ABCA8: variants seen among roughly 807,000 people sequenced by gnomAD.
ABCA8 encodes the protein ATP binding cassette subfamily A member 8, also known as ABC-type organic anion transporter ABCA8.
In ABCA8, 177 loss-of-function variants were observed where a neutral mutation model predicts 192.3. The observed-to-expected ratio is 0.92, with a 90% CI of 0.81 to 1.04. The LOEUF is 1.04. Among genes scored for constraint, ABCA8 ranks in the 50% least tolerant of loss-of-function variants. The pLI is 0.00. For synonymous variants in ABCA8, 642 were observed against 690.2 expected (o/e 0.93, Z 1.09); for missense variants, 1,915 against 1,904.8 (o/e 1.01, Z -0.10).
chr17:68,898,413 C>A (rs889647339), intron 21 of ABCA8, among the ~76,000 whole-genome samples: 1 of 151,624 alleles, frequency 6.6e-6, no homozygotes, highest in South Asian at 2.1e-4. Context: ...AACTTTTTTC[C>A]AAGATAAACA....
chr17:68,876,641 C>T lies in ABCA8; in HGVS notation c.4262G>A (p.Gly1421Glu). ...LKSPVKTLSE[G>E]IKRKLCFVLS... ...CCCTGCCCGTACCTTTCTCTTTATT[C>T]CCTCTGACAAGGTCTTCACGGGAGA... Residue 1421 changes from glycine (G) to glutamate (E), a missense_variant, in exon 34 of 40, where the codon GGA (glycine) becomes GAA (glutamate). Physicochemically the swap from Gly to Glu is moderately conservative, Grantham distance 98 (BLOSUM62 -2). Coordinates refer to ENST00000586539, the MANE Select transcript of ABCA8 (RefSeq NM_001288985.2). The T allele has an allele frequency of 6.2e-7, 1 of 1,614,144 alleles. No homozygotes were observed. The highest frequency in any genetic ancestry group is 8.5e-7 in the Non-Finnish European group (1 of 1,180,020).
At chr17:68,899,257 T>G (rs1386220255) in intron 21 of ABCA8, among the ~76,000 whole-genome samples, 1 of 151,978 alleles carries the variant, frequency 6.6e-6, no homozygotes. Flanking sequence ...ATATGATTTG[T>G]GAATAAAATA....
chr17:68,881,214 GA>G lies in ABCA8; in HGVS notation c.3947-4del, dbSNP rs765427201. 12 of 1,594,242 alleles carry G rather than the reference GA, an allele frequency of 7.5e-6. No individual in the cohort carries two copies. The highest frequency in any genetic ancestry group is 3.4e-5 in the Admixed American group (2 of 58,724). On this transcript the variant is annotated splice_polypyrimidine_tract_variant and splice_region_variant and intron_variant, in intron 31 of 39. Transcript: ENST00000586539. ...TCCTAATAATCCTAAAACTTCACCT[GA>G]AAAAAAGGTTACACTTAATATTAAT...
Position 68,868,054 on chromosome 17 carries a change from G to T in ABCA8, c.*31C>A. ...AATAAATGTATTTAAAAAAAACCAC[G>T]GGTTTAAACAGGAACACAGAATTTG... is the stretch of plus-strand genomic sequence containing the variant. On this transcript the variant is annotated 3_prime_UTR_variant, in exon 40 of 40. Transcript: ENST00000586539. 6.7e-7 allele frequency: 1 copy of T among 1,485,662 alleles called. No homozygotes were observed. The allele number at this position is 1,485,662 out of a possible 1,614,324, so 92.0% of individuals were successfully genotyped here.
intron 30 of ABCA8, 109 bp downstream of exon 30, chr17:68,882,490 T>C (rs2066359881): frequency 3.1e-6 from 3 of 966,634 alleles, no homozygotes; most frequent in African/African-American, 1.6e-5. Context: ...AAATGGCAAT[T>C]ACCTACTAAA....
chr17:68,887,578 A>G (rs6501839), intron 24 of ABCA8, 72 bp from the exon 25 acceptor site: 992,136 of 1,278,858 alleles, frequency 0.78, 388,117 homozygotes, highest in East Asian at 1. Flanking sequence ...AACTATTCAA[A>G]CAAAACCTTT....
At chr17:68,900,270 A>G (rs1567842150) in intron 21 of ABCA8, among the ~76,000 whole-genome samples, 1 of 152,226 alleles carries the variant, frequency 6.6e-6, no homozygotes, top group Non-Finnish European at 1.5e-5. Flanking sequence ...AGAGGGCATG[A>G]ATACCAGTCT....
At chr17:68,951,297 T>G (rs1308118949) in intron 1 of ABCA8, among the ~76,000 whole-genome samples, 2 of 152,230 alleles carry the variant, frequency 1.3e-5, no homozygotes. Flanking sequence ...GACTTTTTAT[T>G]TTTGATTTCT....
chr17:68,931,305 A>ACCAAT (rs1285568589), intron 7 of ABCA8, among the ~76,000 whole-genome samples: 2 of 152,232 alleles, frequency 1.3e-5, no homozygotes, highest in Non-Finnish European at 2.9e-5. Flanking sequence ...CAAACATTAC[A>ACCAAT]CCAATGACAG....
intron 16 of ABCA8, 133 bp from the exon 17 acceptor site, chr17:68,917,584 T>A (rs1289163876): frequency 3.4e-6 from 2 of 595,376 alleles, no homozygotes; most frequent in Non-Finnish European, 5.8e-6. Flanking sequence ...CAGGACTCGA[T>A]AAGGACTCAA....
In ABCA8 at chr17:68,918,107, T is replaced by A. The variant is rs1362662882; in HGVS notation, c.1987A>T (p.Lys663Ter). Residue 663 changes from lysine (K) to a stop codon, truncating the protein, a stop_gained, in exon 16 of 40, where the codon AAA becomes TAA. Coordinates refer to ENST00000586539, the MANE Select transcript of ABCA8 (RefSeq NM_001288985.2). LOFTEE classifies it high-confidence loss of function. ...HQVWNLLKER[K>*]TDRVILFSTQ... ...CTGAAGAGGATCACGCGGTCTGTTT[T>A]GCGTTCTTTCAGAAGGTTCCATACT... The A allele has an allele frequency of 1.2e-6, 2 of 1,614,078 alleles. No individual in the cohort carries two copies. The highest frequency in any genetic ancestry group is 1.7e-6 in the Non-Finnish European group (2 of 1,180,036).
intron 11 of ABCA8, among the ~76,000 whole-genome samples, 153 bp downstream of exon 11, chr17:68,924,548 T>C (rs2067642870): frequency 6.6e-6 from 1 of 152,158 alleles, no homozygotes; most frequent in Non-Finnish European, 1.5e-5. Context: ...AAAGGGATCT[T>C]TCTTTGAACT....
At chr17:68,946,963 G>C (rs1259653659) in intron 2 of ABCA8, among the ~76,000 whole-genome samples, 2 of 151,868 alleles carry the variant, frequency 1.3e-5, no homozygotes, top group African/African-American at 4.8e-5. Context: ...GAGAGAGAGA[G>C]AGAGACAGAG....
chr17:68,887,063 C>T lies in ABCA8; in HGVS notation c.3383G>A (p.Arg1128His), dbSNP rs201390448. The T allele has an allele frequency of 8.1e-5, 130 of 1,612,466 alleles. No homozygotes were observed. The highest frequency in any genetic ancestry group is 4.5e-4 in the East Asian group (20 of 44,750). Reference protein sequence around the residue: ...FMTYVISFIFRKGRKNSGIWS... With the variant: ...FMTYVISFIFHKGRKNSGIWS... ...AATGCCACTATTTTTTCTCCCCTTG[C>T]GAAAGATGAAGGAAATCACGTATGT... is the stretch of plus-strand genomic sequence containing the variant. Residue 1128 changes from arginine (R) to histidine (H), a missense_variant, in exon 26 of 40, where the codon CGC becomes CAC. By Grantham distance (29) the Arg-to-His change is conservative (BLOSUM62 0). Transcript: ENST00000586539.
intron 4 of ABCA8, among the ~76,000 whole-genome samples, chr17:68,938,354 A>AGTG: frequency 6.6e-6 from 1 of 152,160 alleles, no homozygotes; most frequent in Non-Finnish European, 1.5e-5. Context: ...TACAGAATCC[A>AGTG]GTGAAGGGGT....
intron 17 of ABCA8, among the ~76,000 whole-genome samples, chr17:68,910,737 A>G (rs73998577): frequency 0.042 from 6,363 of 152,260 alleles, 445 homozygotes; most frequent in African/African-American, 0.14. Flanking sequence ...TCCAACTTGC[A>G]TACAAGCTCA....
chr17:68,932,992 C>A (rs1480519370), intron 6 of ABCA8, among the ~76,000 whole-genome samples, 176 bp downstream of exon 6: 1 of 152,156 alleles, frequency 6.6e-6, no homozygotes, highest in Non-Finnish European at 1.5e-5. Flanking sequence ...GAATGAGATA[C>A]TTTTTCTTCT....
Position 68,891,469 on chromosome 17 carries a change from T to C in ABCA8, c.3144+20A>G. 1 of 1,524,094 alleles carries C rather than the reference T, an allele frequency of 6.6e-7. No individual in the cohort carries two copies. Among genetic ancestry groups the C allele is most frequent in the Non-Finnish European group, 9.0e-7 (1 of 1,107,930 alleles). 94.4% of individuals were successfully genotyped at this position (1,524,094 alleles called of 1,614,324 possible). On this transcript the variant is annotated intron_variant, in intron 24 of 39. Transcript: ENST00000586539. The stretch of plus-strand genomic sequence containing the variant: ...TTTCAATTATGCAAAATAATGGAAG[T>C]TGCAATTACTCATTATTACCTTATA...
chr17:68,932,061 T>A, intron 7 of ABCA8: 1 of 357,042 alleles, frequency 2.8e-6, no homozygotes, highest in Admixed American at 3.7e-5. Context: ...ATACAAAAAA[T>A]TATCCAGGCA....
Sources: allele counts gnomAD v4.1 joint callset (sites outside exome capture counted in the v4.1 genomes callset), GRCh38; gene constraint gnomAD v4.1.1; transcripts MANE v1.5; gene names NCBI Gene and HGNC (gene_info 2026-07-23, HGNC 2026-07-21).